Variants in ARMC8 observed in about 807,000 individuals in gnomAD.
ARMC8 encodes the protein armadillo repeat containing 8, also known as armadillo repeat-containing protein 8.
In ARMC8, 20 loss-of-function variants were observed where a neutral mutation model predicts 99.3. The observed-to-expected ratio is 0.20, with a 90% CI of 0.14 to 0.29. The LOEUF (loss-of-function observed/expected upper bound fraction) is 0.29, where lower values mean the gene tolerates loss of function less well. Among genes scored for constraint, ARMC8 ranks in the 10% least tolerant of loss-of-function variants. The probability of loss-of-function intolerance (pLI) is 1.00; values close to 1 mark genes in which losing one functional copy is unlikely to be tolerated. For missense variants in ARMC8, 569 were observed against 809.5 expected, an observed-to-expected ratio of 0.70 and a Z score of 3.60; for synonymous variants, 263 against 278.3, an observed-to-expected ratio of 0.95 and a Z score of 0.55.
At chr3:138,291,301 C>T (rs113148955) in intron 21 of ARMC8, among the ~76,000 whole-genome samples, 8,620 of 152,282 alleles carry the variant, frequency 0.057, 346 homozygotes, top group Non-Finnish European at 0.087. Context: ...CTGCCTTTCT[C>T]ATCTTCTCTG....
chr3:138,248,672 G>C (rs1043072082), intron 12 of ARMC8, among the ~76,000 whole-genome samples: 3 of 152,182 alleles, frequency 2.0e-5, no homozygotes, highest in African/African-American at 7.2e-5. Context: ...ACCATCACTT[G>C]ATTAGGACCT....
intron 1 of ARMC8, among the ~76,000 whole-genome samples, chr3:138,195,159 T>G (rs1458921384): frequency 6.6e-6 from 1 of 151,886 alleles, no homozygotes; most frequent in African/African-American, 2.4e-5. Flanking sequence ...GCGCCTGTAG[T>G]CCCAGCTACT....
intron 1 of ARMC8, among the ~76,000 whole-genome samples, chr3:138,206,281 A>G (rs572072184): frequency 6.6e-6 from 1 of 152,364 alleles, no homozygotes; most frequent in East Asian, 1.9e-4. Flanking sequence ...AATTTTAATT[A>G]AAGTTTAAAA....
Position 138,260,559 on chromosome 3 carries a change from C to T in ARMC8, c.1135-3180C>T, listed in dbSNP as rs867677766. Among the ~76,000 whole-genome samples, 4 of 152,258 alleles carry T rather than the reference C, an allele frequency of 2.6e-5. No homozygotes were observed. The Middle Eastern group carries it at 0.01, about 388-fold the overall frequency. Reference sequence around the variant, plus strand: ...GAAGAGGCTACCGTCTGGACTTTAGCCCATACTAAGCTTGTAGAATTTTCT... The same window carrying T: ...GAAGAGGCTACCGTCTGGACTTTAGTCCATACTAAGCTTGTAGAATTTTCT... On this transcript the variant is annotated intron_variant, in intron 12 of 21. Transcript: ENST00000469044.
chr3:138,188,484 C>G, intron 1 of ARMC8: 1 of 1,613,340 alleles, frequency 6.2e-7, no homozygotes. Context: ...TGGGAGATAA[C>G]TTCGAAGGAT....
rs561882772 is a variant in ARMC8, at chr3:138,296,919, C to G, written c.*1027C>G. Reference sequence around the variant, plus strand: ...TTAGAACCAGTCATGGAAACTTGTGCTCAAACTAAAAGTAGGTCATCACTT... The same window carrying G: ...TTAGAACCAGTCATGGAAACTTGTGGTCAAACTAAAAGTAGGTCATCACTT... On this transcript the variant is annotated 3_prime_UTR_variant, in exon 22 of 22. Coordinates refer to ENST00000469044, the MANE Select transcript of ARMC8 (RefSeq NM_001363941.2). 2 of 152,288 alleles carry G rather than the reference C, an allele frequency of 1.3e-5. No homozygotes were observed. The highest frequency in any genetic ancestry group is 3.9e-4 in the East Asian group (2 of 5,182). The allele number at this position is 152,288 out of a possible 1,614,324, so 9.4% of individuals were successfully genotyped here.
chr3:138,237,000 A>T (rs2046367246), intron 7 of ARMC8, among the ~76,000 whole-genome samples: 1 of 152,152 alleles, frequency 6.6e-6, no homozygotes, highest in South Asian at 2.1e-4. Flanking sequence ...ATTAATTGTT[A>T]CTAAGTTCTC....
intron 14 of ARMC8, among the ~76,000 whole-genome samples, chr3:138,265,978 CAG>C (rs1194178866): frequency 6.6e-6 from 1 of 152,184 alleles, no homozygotes; most frequent in East Asian, 1.9e-4. Flanking sequence ...ATTCACTACT[CAG>C]GAGCTGTCAG....
chr3:138,256,759 A>G (rs192074409), intron 12 of ARMC8, among the ~76,000 whole-genome samples: 3 of 152,142 alleles, frequency 2.0e-5, no homozygotes, highest in Admixed American at 6.5e-5. Context: ...CTTGCCAAGT[A>G]TAGTATACTA....
Position 138,263,720 on chromosome 3 carries a change from C to A in ARMC8, c.1135-19C>A. 1 of 1,596,952 alleles carries A rather than the reference C, an allele frequency of 6.3e-7. No individual in the cohort carries two copies. Among genetic ancestry groups the A allele is most frequent in the Non-Finnish European group, 8.6e-7 (1 of 1,164,316 alleles). On this transcript the variant is annotated intron_variant, in intron 12 of 21. Transcript: ENST00000469044. ...CACCTTCATGTTGTTATTTATGCAG[C>A]ATTAACCTTTTTCTCCAGATCATTG...
At chr3:138,293,154 A>G (rs1194402485) in intron 21 of ARMC8, among the ~76,000 whole-genome samples, 1 of 152,152 alleles carries the variant, frequency 6.6e-6, no homozygotes, top group Non-Finnish European at 1.5e-5. Flanking sequence ...GAACTTAACT[A>G]ACTCCTCTGA....
intron 18 of ARMC8, 112 bp from the exon 19 acceptor site, chr3:138,284,319 G>T: frequency 1.3e-6 from 1 of 744,692 alleles, no homozygotes. Context: ...ATTGAGAGTG[G>T]AACCTGTGAG....
chr3:138,228,938 C>T lies in ARMC8; in HGVS notation c.456C>T (p.His152=), dbSNP rs756908125. ...LLYTDATVIP[H]LMALLSRSRY... is the part of the protein sequence containing the mutation. ...CCTAGGATGCCACAGTGATACCACACCTCATGGCACTGCTTAGCAGGTCCC... is the reference window on the plus strand; with the variant it reads ...CCTAGGATGCCACAGTGATACCACATCTCATGGCACTGCTTAGCAGGTCCC... Residue 152 remains histidine (H), a synonymous_variant, in exon 6 of 22, where the codon CAC becomes CAT. Coordinates refer to ENST00000469044, the MANE Select transcript of ARMC8 (RefSeq NM_001363941.2). 6.2e-7 allele frequency: 1 copy of T among 1,608,564 alleles called. No homozygotes were observed. Among genetic ancestry groups the T allele is most frequent in the South Asian group, 1.1e-5 (1 of 90,982 alleles).
intron 1 of ARMC8, among the ~76,000 whole-genome samples, chr3:138,203,941 A>G (rs2044219653): frequency 6.6e-6 from 1 of 152,170 alleles, no homozygotes; most frequent in South Asian, 2.1e-4. Flanking sequence ...ATTTATAATC[A>G]CAAGCCTCAG....
intron 6 of ARMC8, among the ~76,000 whole-genome samples, chr3:138,232,728 T>C (rs2046119858): frequency 6.6e-6 from 1 of 151,536 alleles, no homozygotes; most frequent in Non-Finnish European, 1.5e-5. Context: ...GTGTATATAG[T>C]ATTCTACCAT....
intron 16 of ARMC8, 120 bp downstream of exon 16, chr3:138,270,252 T>C (rs2048663067): frequency 1.3e-6 from 1 of 772,480 alleles, no homozygotes; most frequent in East Asian, 2.8e-5. Context: ...TCTGGCTATT[T>C]TGTTCTAGTT....
intron 2 of ARMC8, among the ~76,000 whole-genome samples, chr3:138,220,717 T>A (rs2045347806): frequency 6.8e-6 from 1 of 148,030 alleles, no homozygotes; most frequent in Non-Finnish European, 1.5e-5. Flanking sequence ...TGAGATGGAG[T>A]CTCGTTCTGT....
At chr3:138,220,337 AAAC>A (rs1307884105) in intron 2 of ARMC8, among the ~76,000 whole-genome samples, 8 of 152,224 alleles carry the variant, frequency 5.3e-5, no homozygotes, top group Non-Finnish European at 1.2e-4. Flanking sequence ...TCAGTCCCAT[AAAC>A]AACAACAAAA....
At chr3:138,187,700 G>A in intron 1 of ARMC8, 101 bp downstream of exon 1, 1 of 1,300,896 alleles carries the variant, frequency 7.7e-7, no homozygotes, top group Non-Finnish European at 1.1e-6. Context: ...ACCACCCCCT[G>A]GGGTGGACCC....
Sources: allele counts gnomAD v4.1 joint callset (sites outside exome capture counted in the v4.1 genomes callset), GRCh38; gene constraint gnomAD v4.1.1; transcripts MANE v1.5; gene names NCBI Gene and HGNC (gene_info 2026-07-23, HGNC 2026-07-21).